The following ICA1 variants were observed in gnomAD, a reference collection of about 807,000 sequenced individuals.
ICA1 encodes the protein 69 kDa islet cell autoantigen.
A neutral mutation model predicts 71.0 loss-of-function variants in ICA1; 40 were observed. That is an observed-to-expected ratio of 0.56 (90% CI 0.44 to 0.73). The LOEUF (loss-of-function observed/expected upper bound fraction) is 0.73. Among genes scored for constraint, ICA1 ranks in the 30% least tolerant of loss-of-function variants. ICA1 has a pLI of 0.00. For missense variants in ICA1, 578 were observed against 576.5 expected, an observed-to-expected ratio of 1.00 and a Z score of -0.03; for synonymous variants, 207 against 209.5, an observed-to-expected ratio of 0.99 and a Z score of 0.10.
At chr7:8,196,158 GAAATAT>G (rs1787493922) in intron 6 of ICA1, among the ~76,000 whole-genome samples, 2 of 152,146 alleles carry the variant, frequency 1.3e-5, no homozygotes, top group Non-Finnish European at 2.9e-5. Flanking sequence ...TCCAGACAAT[GAAATAT>G]TATTTAGTAC....
intron 12 of ICA1, among the ~76,000 whole-genome samples, chr7:8,136,611 C>G (rs1313902990): frequency 6.6e-6 from 1 of 152,104 alleles, no homozygotes; most frequent in Non-Finnish European, 1.5e-5. Flanking sequence ...CCTGCTCATG[C>G]CTGAAGAAGG....
chr7:8,260,182 C>A (rs1403396390), intron 1 of ICA1, among the ~76,000 whole-genome samples: 2 of 152,140 alleles, frequency 1.3e-5, no homozygotes, highest in Non-Finnish European at 2.9e-5. Flanking sequence ...TACGTTATGG[C>A]ATAACTACCA....
intron 6 of ICA1, among the ~76,000 whole-genome samples, chr7:8,161,150 G>A (rs1053275014): frequency 2.0e-5 from 3 of 152,184 alleles, no homozygotes; most frequent in Non-Finnish European, 2.9e-5. Context: ...CAGGACCAAC[G>A]CTAGGAACTA....
At chr7:8,186,726 T>A (rs144784045) in intron 6 of ICA1, among the ~76,000 whole-genome samples, 2 of 152,150 alleles carry the variant, frequency 1.3e-5, no homozygotes, top group South Asian at 2.1e-4. Flanking sequence ...GGGTAAGATA[T>A]CACAAGTGTA....
Position 8,218,432 on chromosome 7 carries a change from T to C in ICA1, c.452A>G (p.Asp151Gly). 1 of 1,614,156 alleles carries C rather than the reference T, an allele frequency of 6.2e-7. No homozygotes were observed. The highest frequency in any genetic ancestry group is 8.5e-7 in the Non-Finnish European group (1 of 1,180,016). Reference protein sequence around the residue: ...VETFRHRAISDTWLTVNRMEQ... With the variant: ...VETFRHRAISGTWLTVNRMEQ... ...CATGCGGTTCACCGTCAGCCAAGTA[T>C]CTGAGATGGCCCGATGCCGAAAAGT... Residue 151 changes from aspartate to glycine, a missense_variant, in exon 6 of 14, where the codon GAT becomes GGT. Asp to Gly is a moderately conservative substitution (Grantham distance 94). Coordinates refer to ENST00000402384, the MANE Select transcript of ICA1 (RefSeq NM_001136020.3).
At position 8,169,402 on chromosome 7, in the gene ICA1, C is replaced by G. The variant is rs1275278553; in HGVS notation, c.580-10750G>C. Among the ~76,000 whole-genome samples the G allele has an allele frequency of 2.0e-5, 3 of 152,202 alleles. No individual in the cohort carries two copies. The East Asian group carries it at 5.8e-4, about 29-fold the overall frequency. On this transcript the variant is annotated intron_variant, in intron 6 of 13. Transcript: ENST00000402384. ...CTAAGGGCAGGATTGCTAAATCATA[C>G]AGTAAGTGTGTGCTTAACTTTATAA...
intron 1 of ICA1, among the ~76,000 whole-genome samples, chr7:8,247,350 C>T (rs901379785): frequency 6.6e-6 from 1 of 152,060 alleles, no homozygotes; most frequent in African/African-American, 2.4e-5. Flanking sequence ...GTCCCAGCTA[C>T]TCAGGAGGCT....
At chr7:8,153,391 C>A (rs183172879) in intron 8 of ICA1, among the ~76,000 whole-genome samples, 82 of 152,178 alleles carry the variant, frequency 5.4e-4, no homozygotes, top group African/African-American at 1.8e-3. Flanking sequence ...ATGCTCACTG[C>A]GACACCCAAC....
chr7:8,249,226 G>A (rs780081818), intron 1 of ICA1, among the ~76,000 whole-genome samples: 2 of 152,218 alleles, frequency 1.3e-5, no homozygotes. Context: ...CACAGCCTCT[G>A]GGCTGAGTCT....
At chr7:8,187,796 A>C (rs1784356734) in intron 6 of ICA1, among the ~76,000 whole-genome samples, 1 of 152,206 alleles carries the variant, frequency 6.6e-6, no homozygotes, top group African/African-American at 2.4e-5. Context: ...ACTAAGACAC[A>C]CATTAGCCCA....
chr7:8,229,142 G>A lies in ICA1; in HGVS notation c.184-469C>T, dbSNP rs1799498389. ...GTGATCCTAATGTATTTTATGGCAT[G>A]CTTAAACAACTGGATAAAGCAAACA... On this transcript the variant is annotated intron_variant, in intron 3 of 13. Transcript: ENST00000402384. Among the ~76,000 whole-genome samples the A allele has an allele frequency of 3.9e-5, 6 of 152,168 alleles. No individual in the cohort carries two copies. The South Asian group carries it at 8.3e-4, about 21-fold the overall frequency.
At chr7:8,143,817 A>G in intron 9 of ICA1, 58 bp downstream of exon 9, 1 of 1,120,742 alleles carries the variant, frequency 8.9e-7, no homozygotes, top group Admixed American at 1.8e-5. Flanking sequence ...GTCAGCGAGA[A>G]CCACATAACT....
At chr7:8,115,063 A>T (rs931217066) in intron 13 of ICA1, 2 of 152,202 alleles carry the variant, frequency 1.3e-5, no homozygotes, top group African/African-American at 4.8e-5. Context: ...AGGGCCTTTG[A>T]TCCTTTCATC....
intron 8 of ICA1, among the ~76,000 whole-genome samples, chr7:8,152,283 G>A (rs1263365113): frequency 6.6e-6 from 1 of 152,000 alleles, no homozygotes; most frequent in African/African-American, 2.4e-5. Flanking sequence ...ACAATCTAGG[G>A]TGAAATGGAG....
intron 1 of ICA1, among the ~76,000 whole-genome samples, chr7:8,252,839 A>G (rs1441564404): frequency 1.3e-5 from 2 of 151,864 alleles, no homozygotes; most frequent in Non-Finnish European, 2.9e-5. Flanking sequence ...TTTGGGTTAG[A>G]TCAAATAAAT....
At chr7:8,208,091 AAC>A (rs1411777253) in intron 6 of ICA1, among the ~76,000 whole-genome samples, 1 of 152,194 alleles carries the variant, frequency 6.6e-6, no homozygotes, top group Non-Finnish European at 1.5e-5. Context: ...ATGACAAACT[AAC>A]ACAGAACACA....
At chr7:8,140,404 G>C (rs1794819722) in intron 10 of ICA1, among the ~76,000 whole-genome samples, 1 of 152,154 alleles carries the variant, frequency 6.6e-6, no homozygotes. Context: ...TGTTTCTTCT[G>C]CTTTGACAAG....
chr7:8,261,288 G>A (rs867369773), intron 1 of ICA1, among the ~76,000 whole-genome samples: 12 of 152,268 alleles, frequency 7.9e-5, no homozygotes, highest in South Asian at 2.1e-4. Flanking sequence ...TGCTTTGGGG[G>A]TACTACAAGT....
chr7:8,137,935 C>A (rs1260324242), intron 12 of ICA1, among the ~76,000 whole-genome samples: 8 of 152,118 alleles, frequency 5.3e-5, no homozygotes. Context: ...TGACTGGGGC[C>A]TGCAGGATAA....
Sources: gnomAD v4.1 joint callset for allele counts (sites outside exome capture counted in the v4.1 genomes callset) on GRCh38, gnomAD v4.1.1 for gene constraint, MANE v1.5 for transcripts, NCBI Gene and HGNC (gene_info 2026-07-23, HGNC 2026-07-21) for gene names.